Variants in CAPSL observed in about 807,000 individuals in gnomAD.
The protein encoded by CAPSL is calcyphosin-like protein.
In CAPSL, 17 loss-of-function variants were observed where a neutral mutation model predicts 21.3. That is an observed-to-expected ratio of 0.80 (90% CI 0.55 to 1.20). The LOEUF (loss-of-function observed/expected upper bound fraction) is 1.20, where lower values mean the gene tolerates loss of function less well. Ranked by LOEUF, CAPSL falls within the 50% of genes most tolerant of loss-of-function variation. The probability of loss-of-function intolerance (pLI) is 0.00; values close to 1 mark genes in which losing one functional copy is unlikely to be tolerated. For synonymous variants in CAPSL, 102 were observed against 89.3 expected (o/e 1.14, Z -0.80); for missense variants, 289 against 259.3 (o/e 1.11, Z -0.79).
intron 4 of CAPSL, 66 bp from the exon 5 acceptor site, chr5:35,904,712 T>C: frequency 1.3e-6 from 2 of 1,597,424 alleles, no homozygotes; most frequent in Non-Finnish European, 1.7e-6. Flanking sequence ...GGCGCCCACC[T>C]TGTGCACCTG....
chr5:35,931,177 C>CA (rs1403099392), intron 1 of CAPSL, among the ~76,000 whole-genome samples: 2 of 152,130 alleles, frequency 1.3e-5, no homozygotes, highest in African/African-American at 4.8e-5. Flanking sequence ...ATACAGACGG[C>CA]AAAAAGCTTA....
At chr5:35,912,050 A>G (rs1469574106) in intron 2 of CAPSL, among the ~76,000 whole-genome samples, 1 of 152,180 alleles carries the variant, frequency 6.6e-6, no homozygotes, top group Non-Finnish European at 1.5e-5. Flanking sequence ...CAAACGGCGC[A>G]CCAGGAGATT....
chr5:35,936,126 A>G (rs569769529), intron 1 of CAPSL, among the ~76,000 whole-genome samples: 134 of 152,274 alleles, frequency 8.8e-4, no homozygotes, highest in African/African-American at 3.0e-3. Flanking sequence ...AGACCCAGAA[A>G]AAAATGGAAC....
chr5:35,915,819 C>T (rs145425876), intron 2 of CAPSL, among the ~76,000 whole-genome samples: 18,765 of 152,244 alleles, frequency 0.12, 1,469 homozygotes, highest in Non-Finnish European at 0.18. Flanking sequence ...GGGATGCCCT[C>T]TCTCACCACT....
At chr5:35,928,455 T>A (rs1159539451) in intron 1 of CAPSL, among the ~76,000 whole-genome samples, 4 of 152,198 alleles carry the variant, frequency 2.6e-5, no homozygotes, top group Non-Finnish European at 4.4e-5. Flanking sequence ...AAGCCTCAGA[T>A]AAGAGTGTGT....
At position 35,910,467 on chromosome 5, in the gene CAPSL, C is replaced by T. The variant is rs200428487; in HGVS notation, c.214G>A (p.Ala72Thr). Residue 72 changes from alanine to threonine, a missense_variant, in exon 3 of 5, where the codon GCT becomes ACT. Coordinates refer to ENST00000651391, the MANE Select transcript of CAPSL (RefSeq NM_001042625.2). ...ACCTCTTCTTTTTCCATGACCACAG[C>T]ATAATCATTTAACCCTTTCATAAAT... Reference protein sequence around the residue: ...KEFMKGLNDYAVVMEKEEVEE... With the variant: ...KEFMKGLNDYTVVMEKEEVEE... 6.2e-7 allele frequency: 1 copy of T among 1,613,298 alleles called. No homozygotes were observed. The highest frequency in any genetic ancestry group is 1.3e-5 in the African/African-American group (1 of 75,030).
chr5:35,928,600 T>C (rs2149931311), intron 1 of CAPSL, among the ~76,000 whole-genome samples: 1 of 152,256 alleles, frequency 6.6e-6, no homozygotes, highest in Admixed American at 6.5e-5. Flanking sequence ...GAGAAGTGCT[T>C]CTCAACTGGG....
At chr5:35,931,042 C>G (rs1226974097) in intron 1 of CAPSL, among the ~76,000 whole-genome samples, 2 of 152,186 alleles carry the variant, frequency 1.3e-5, no homozygotes, top group Non-Finnish European at 2.9e-5. Flanking sequence ...AGCTGCTGAA[C>G]TAATGTTGGC....
intron 1 of CAPSL, among the ~76,000 whole-genome samples, chr5:35,931,063 C>A (rs541521699): frequency 8.5e-5 from 13 of 152,328 alleles, no homozygotes; most frequent in African/African-American, 3.1e-4. Context: ...AACTTCTTGA[C>A]TTCACGATCC....
intron 1 of CAPSL, among the ~76,000 whole-genome samples, chr5:35,928,188 C>T (rs1039098088): frequency 6.6e-6 from 1 of 152,146 alleles, no homozygotes; most frequent in Non-Finnish European, 1.5e-5. Context: ...ATTTGCAAAG[C>T]GACTTTTATT....
chr5:35,912,389 T>C (rs1184365011), intron 2 of CAPSL, among the ~76,000 whole-genome samples: 2 of 152,224 alleles, frequency 1.3e-5, no homozygotes, highest in Admixed American at 6.5e-5. Flanking sequence ...CAGCTTGAGA[T>C]CTGATAATGG....
At position 35,904,440 on chromosome 5, in the gene CAPSL, AC is replaced by A; in HGVS notation, c.*104del. ...ATGCAATATTTTGACACAGAAAAAA[AC>A]ATTAGGATGAGTGTGAAATCAAATA... On this transcript the variant is annotated 3_prime_UTR_variant, in exon 5 of 5. Coordinates refer to ENST00000651391, the MANE Select transcript of CAPSL (RefSeq NM_001042625.2). The A allele has an allele frequency of 1.2e-6, 1 of 841,756 alleles. No homozygotes were observed. Among genetic ancestry groups the A allele is most frequent in the South Asian group, 1.7e-5 (1 of 58,288 alleles). The allele number at this position is 841,756 out of a possible 1,614,324, so 52.1% of individuals were successfully genotyped here.
At position 35,911,081 on chromosome 5, in the gene CAPSL, C is replaced by T. The variant is rs146213814; in HGVS notation, c.138-538G>A. Among the ~76,000 whole-genome samples the T allele has an allele frequency of 8.5e-5, 13 of 152,150 alleles. No homozygotes were observed. In the East Asian group the frequency reaches 2.5e-3, roughly 29 times the overall value. On this transcript the variant is annotated intron_variant, in intron 2 of 4. Coordinates refer to ENST00000651391, the MANE Select transcript of CAPSL (RefSeq NM_001042625.2). ...CCAATAAAACTATGCTGGATTATAA[C>T]CCAAAATATAAAAAAGAAATCCCTA...
intron 1 of CAPSL, among the ~76,000 whole-genome samples, chr5:35,937,462 A>G (rs1419559886): frequency 6.6e-6 from 1 of 152,158 alleles, no homozygotes; most frequent in African/African-American, 2.4e-5. Flanking sequence ...ACATGTAGTC[A>G]CACTTGCAGG....
chr5:35,923,308 G>C (rs1342276949), intron 1 of CAPSL, among the ~76,000 whole-genome samples: 1 of 152,204 alleles, frequency 6.6e-6, no homozygotes, highest in Non-Finnish European at 1.5e-5. Context: ...CAGATCCCCA[G>C]TGGGACCCTC....
At chr5:35,924,561 GA>G (rs1441523955) in intron 1 of CAPSL, among the ~76,000 whole-genome samples, 1 of 152,024 alleles carries the variant, frequency 6.6e-6, no homozygotes, top group Non-Finnish European at 1.5e-5. Flanking sequence ...AATTCAAGGG[GA>G]AAAAAGTCCA....
At chr5:35,906,514 G>A (rs1349429065) in intron 4 of CAPSL, among the ~76,000 whole-genome samples, 4 of 152,162 alleles carry the variant, frequency 2.6e-5, no homozygotes, top group African/African-American at 9.7e-5. Context: ...CTGAAACTCA[G>A]ATGTGCTGGC....
intron 2 of CAPSL, among the ~76,000 whole-genome samples, chr5:35,918,251 C>CAT (rs1671639500): frequency 6.6e-6 from 1 of 152,138 alleles, no homozygotes. Flanking sequence ...ATGTGGCACA[C>CAT]ATACACCATG....
rs149215376 is a variant in CAPSL at position 35,929,697 on chromosome 5, G to A, written c.1-8577C>T. Among the ~76,000 whole-genome samples, 526 of 152,324 alleles carry A rather than the reference G, an allele frequency of 3.5e-3. 2 individuals are homozygous for A. Among genetic ancestry groups the A allele is most frequent in the Middle Eastern group, 0.01 (3 of 294 alleles). On this transcript the variant is annotated intron_variant, in intron 1 of 4. Coordinates refer to ENST00000651391, the MANE Select transcript of CAPSL (RefSeq NM_001042625.2). Reference sequence around the variant, plus strand: ...AAGGTCCATGAAGTAAGAGATGCAGGAAGGGAAAAGCTTCAGGGAAAAGAA... The same window carrying A: ...AAGGTCCATGAAGTAAGAGATGCAGAAAGGGAAAAGCTTCAGGGAAAAGAA...
Sources: gnomAD v4.1 joint callset for allele counts (sites outside exome capture counted in the v4.1 genomes callset) on GRCh38, gnomAD v4.1.1 for gene constraint, MANE v1.5 for transcripts, NCBI Gene and HGNC (gene_info 2026-07-23, HGNC 2026-07-21) for gene names.